The following OSGEPL1 variants were observed in gnomAD, a reference collection of about 807,000 sequenced individuals.
The protein encoded by OSGEPL1 is tRNA N6-adenosine threonylcarbamoyltransferase, mitochondrial.
OSGEPL1 carries 26 observed loss-of-function variants against 37.2 expected under a neutral mutation model. The ratio of observed to expected loss-of-function variants is 0.70; its 90% CI spans 0.51 to 0.97. The LOEUF (loss-of-function observed/expected upper bound fraction) is 0.97, where lower values mean the gene tolerates loss of function less well. Among genes scored for constraint, OSGEPL1 ranks in the 50% least tolerant of loss-of-function variants. The pLI is 0.00. For synonymous variants in OSGEPL1, 140 were observed against 159.9 expected (o/e 0.88, Z 0.94); for missense variants, 404 against 487.0 (o/e 0.83, Z 1.60).
At chr2:189,758,303 C>A (rs2046391331) in intron 2 of OSGEPL1, among the ~76,000 whole-genome samples, 1 of 152,078 alleles carries the variant, frequency 6.6e-6, no homozygotes, top group Non-Finnish European at 1.5e-5. Flanking sequence ...ATCGCTTGAA[C>A]CCGGGAGGCG....
chr2:189,761,152 A>C (rs2047007234), intron 2 of OSGEPL1: 2 of 278,028 alleles, frequency 7.2e-6, no homozygotes, highest in South Asian at 2.5e-4. Context: ...AAAAGAAGGA[A>C]TGCATTACTG....
intron 5 of OSGEPL1, 109 bp from the exon 6 acceptor site, chr2:189,753,088 T>C: frequency 9.6e-7 from 1 of 1,036,520 alleles, no homozygotes; most frequent in Non-Finnish European, 1.4e-6. Context: ...ACTATCCCAT[T>C]TTGAGATGGG....
rs768658265 is a variant in OSGEPL1 at position 189,761,570 on chromosome 2, C to T, written c.71G>A (p.Arg24Lys). 26 of 1,610,252 alleles carry T rather than the reference C, an allele frequency of 1.6e-5. No individual in the cohort carries two copies. Among genetic ancestry groups the T allele is most frequent in the Non-Finnish European group, 2.2e-5 (26 of 1,178,684 alleles). Residue 24 changes from arginine (R) to lysine (K), a missense_variant, in exon 2 of 9, where the codon AGA (arginine) becomes AAA (lysine). By Grantham distance (26) the Arg-to-Lys change is conservative. Coordinates refer to ENST00000264151, the MANE Select transcript of OSGEPL1 (RefSeq NM_022353.3). ...PSKRKVYEFL[R>K]SFNFHPGTLF... ...TGTTCCAGGATGAAAATTAAAACTT[C>T]TTAAAAATTCATAAACTTTCCTTTT...
intron 2 of OSGEPL1, 90 bp downstream of exon 2, chr2:189,761,330 G>T: frequency 7.4e-7 from 1 of 1,352,390 alleles, no homozygotes; most frequent in Non-Finnish European, 1.0e-6. Context: ...TAAGACAGTA[G>T]CTCCTGAAAA....
chr2:189,762,775 C>T lies in OSGEPL1; in HGVS notation c.-111G>A, dbSNP rs1362763630. On this transcript the variant is annotated 5_prime_UTR_variant, in exon 1 of 9. Transcript: ENST00000264151. Reference sequence around the variant, plus strand: ...TATCGCTGCAGGAGAAAGCCCGAACCTGGCGCCCGGAAGTGATGTCATCGG... The same window carrying T: ...TATCGCTGCAGGAGAAAGCCCGAACTTGGCGCCCGGAAGTGATGTCATCGG... 4 of 985,390 alleles carry T rather than the reference C, an allele frequency of 4.1e-6. No homozygotes were observed. Among genetic ancestry groups the T allele is most frequent in the South Asian group, 4.7e-5 (1 of 21,292 alleles). 61.0% of individuals were successfully genotyped at this position (985,390 alleles called of 1,614,324 possible).
rs1574874446 is a variant in OSGEPL1, at chr2:189,754,561, CCT to C, written c.610-218_610-217del. ...GAACAATAAGAGGCCAATCACTGCC[CCT>C]GTCTATGTTTGCTCTTCTATTGGTT... On this transcript the variant is annotated intron_variant, in intron 3 of 8. Coordinates refer to ENST00000264151, the MANE Select transcript of OSGEPL1 (RefSeq NM_022353.3). 7.1e-5 allele frequency: 36 copies of C among 508,494 alleles called. No homozygotes were observed. The East Asian group carries it at 1.1e-3, about 15-fold the overall frequency. 31.5% of individuals were successfully genotyped at this position (508,494 alleles called of 1,614,324 possible).
Position 189,755,571 on chromosome 2 carries a change from G to A in OSGEPL1, c.222-11C>T. On this transcript the variant is annotated splice_polypyrimidine_tract_variant and intron_variant, in intron 2 of 8. Transcript: ENST00000264151. ...ACAATCCCACCTGTTCTGAAAGAAA[G>A]AAAGACAGCATTTTGTAGTTTTAAG... 6.4e-7 allele frequency: 1 copy of A among 1,573,054 alleles called. No homozygotes were observed. Among genetic ancestry groups the A allele is most frequent in the Non-Finnish European group, 8.5e-7 (1 of 1,169,688 alleles).
intron 8 of OSGEPL1, among the ~76,000 whole-genome samples, chr2:189,748,427 T>G (rs1255737501): frequency 6.6e-6 from 1 of 152,210 alleles, no homozygotes; most frequent in African/African-American, 2.4e-5. Context: ...CTCTGCTATG[T>G]TGCCCAGGCT....
intron 6 of OSGEPL1, 37 bp from the exon 7 acceptor site, chr2:189,752,761 A>C (rs976054651): frequency 2.5e-6 from 4 of 1,613,338 alleles, no homozygotes; most frequent in African/African-American, 2.7e-5. Flanking sequence ...CAATAGCTCC[A>C]AGATCTGAAG....
intron 2 of OSGEPL1, among the ~76,000 whole-genome samples, chr2:189,759,352 C>A (rs2046620905): frequency 6.6e-6 from 1 of 152,080 alleles, no homozygotes; most frequent in Non-Finnish European, 1.5e-5. Flanking sequence ...GGGTTCACGC[C>A]ATTCTCCTGC....
At chr2:189,759,841 GAGA>G (rs2046715262) in intron 2 of OSGEPL1, among the ~76,000 whole-genome samples, 1 of 152,142 alleles carries the variant, frequency 6.6e-6, no homozygotes, top group African/African-American at 2.4e-5. Context: ...CAATAGTGGA[GAGA>G]AGGTCAGCAG....
At chr2:189,754,704 T>C (rs1159779381) in intron 3 of OSGEPL1, 3 of 251,382 alleles carry the variant, frequency 1.2e-5, no homozygotes, top group Non-Finnish European at 2.3e-5. Context: ...TGTTTGTTTG[T>C]TTGTTTTCCT....
intron 8 of OSGEPL1, 42 bp from the exon 9 acceptor site, chr2:189,747,210 A>G (rs1362312511): frequency 1.3e-5 from 2 of 152,490 alleles, no homozygotes; most frequent in African/African-American, 2.4e-5. Context: ...ATGGACATGC[A>G]CACCTGTAGT....
intron 8 of OSGEPL1, among the ~76,000 whole-genome samples, chr2:189,749,090 C>T (rs992871621): frequency 6.6e-5 from 10 of 151,612 alleles, no homozygotes; most frequent in African/African-American, 2.4e-4. Context: ...ACTAAAAATA[C>T]AAAAAATGAG....
rs756943001 is a variant in OSGEPL1 at position 189,761,548 on chromosome 2, T to C, written c.93A>G (p.Gly31=). ...EFLRSFNFHP[G]TLFLHKIVLG... is the part of the protein sequence containing the mutation. ...ATACTATTTTATGAAGAAATAGTGTTCCAGGATGAAAATTAAAACTTCTTA... is the reference window on the plus strand; with the variant it reads ...ATACTATTTTATGAAGAAATAGTGTCCCAGGATGAAAATTAAAACTTCTTA... The change falls in exon 2 of 9, where the codon GGA becomes GGG. Residue 31 remains glycine (G), a synonymous_variant. Coordinates refer to ENST00000264151, the MANE Select transcript of OSGEPL1 (RefSeq NM_022353.3). 8 of 1,611,346 alleles carry C rather than the reference T, an allele frequency of 5.0e-6. No individual in the cohort carries two copies. The African/African-American group carries it at 9.4e-5, about 19-fold the overall frequency.
chr2:189,749,773 C>T (rs1203111662), intron 8 of OSGEPL1, among the ~76,000 whole-genome samples: 2 of 152,118 alleles, frequency 1.3e-5, no homozygotes, highest in Non-Finnish European at 2.9e-5. Flanking sequence ...AAATTAATAA[C>T]ATATTATGTT....
intron 8 of OSGEPL1, among the ~76,000 whole-genome samples, chr2:189,748,475 T>A (rs1227579042): frequency 2.6e-5 from 4 of 152,186 alleles, no homozygotes; most frequent in African/African-American, 9.6e-5. Context: ...CCTCCTCCCT[T>A]GGCCTCCCAA....
In OSGEPL1 at chr2:189,755,265, C is replaced by T; in HGVS notation, c.517G>A (p.Gly173Ser). ...TGAACTAATGCCAACAGACAGTGACCTCCAGAAATCAAAAGAACTAAAAAA... is the reference window on the plus strand; with the variant it reads ...TGAACTAATGCCAACAGACAGTGACTTCCAGAAATCAAAAGAACTAAAAAA... ...FPFLVLLISGGHCLLALVQGV... is the reference protein window; with the variant it reads ...FPFLVLLISGSHCLLALVQGV... The change falls in exon 3 of 9, where the codon GGT (glycine) becomes AGT (serine). Residue 173 changes from glycine (G) to serine (S), a missense_variant. Coordinates refer to ENST00000264151, the MANE Select transcript of OSGEPL1 (RefSeq NM_022353.3). 6.2e-7 allele frequency: 1 copy of T among 1,613,464 alleles called. No homozygotes were observed. Among genetic ancestry groups the T allele is most frequent in the Non-Finnish European group, 8.5e-7 (1 of 1,179,738 alleles).
chr2:189,754,589 G>A (rs2045791353), intron 3 of OSGEPL1: 2 of 450,670 alleles, frequency 4.4e-6, no homozygotes, highest in Non-Finnish European at 7.8e-6. Context: ...TCTATTGGTT[G>A]GAAAATGGGC....
Sources: gnomAD v4.1 joint callset for allele counts (sites outside exome capture counted in the v4.1 genomes callset) on GRCh38, gnomAD v4.1.1 for gene constraint, MANE v1.5 for transcripts, NCBI Gene and HGNC (gene_info 2026-07-23, HGNC 2026-07-21) for gene names.